KCNQ3: variants seen among roughly 807,000 people sequenced by gnomAD.
The protein encoded by KCNQ3 is potassium voltage-gated channel subfamily KQT member 3.
Under a neutral mutation model 92.5 loss-of-function variants are expected in KCNQ3, and 30 were observed. The observed-to-expected ratio is 0.32, with a 90% CI of 0.24 to 0.44. The LOEUF is 0.44. Among genes scored for constraint, KCNQ3 ranks in the 20% least tolerant of loss-of-function variants. The pLI is 1.00. For missense variants in KCNQ3, 913 were observed against 1,140.3 expected (o/e 0.80, Z 2.87); for synonymous variants, 450 against 468.8 (o/e 0.96, Z 0.52).
rs571263944 is a variant in KCNQ3, at chr8:132,142,660, T to C, written c.1263-1329A>G. Among the ~76,000 whole-genome samples, 11 of 152,328 alleles carry C rather than the reference T, an allele frequency of 7.2e-5. No homozygotes were observed. The South Asian group carries it at 2.3e-3, about 32-fold the overall frequency. On this transcript the variant is annotated intron_variant, in intron 9 of 14. Coordinates refer to ENST00000388996, the MANE Select transcript of KCNQ3 (RefSeq NM_004519.4). ...CACAGAGCTTGGCACACAGGAGGCA[T>C]TCCCTCATGTACTTGTGAAATAAAT...
chr8:132,357,035 A>AAC (rs1819037250), intron 1 of KCNQ3, among the ~76,000 whole-genome samples: 1 of 146,660 alleles, frequency 6.8e-6, no homozygotes, highest in African/African-American at 2.7e-5. Context: ...CAACAACAAC[A>AAC]AAAACTAAGG....
intron 1 of KCNQ3, among the ~76,000 whole-genome samples, chr8:132,266,975 A>G (rs974043646): frequency 2.0e-5 from 3 of 152,190 alleles, no homozygotes; most frequent in African/African-American, 7.2e-5. Context: ...TATAACTGCT[A>G]GCAGGACTCT....
At chr8:132,281,540 ATG>A (rs1304833552) in intron 1 of KCNQ3, among the ~76,000 whole-genome samples, 2 of 96,600 alleles carry the variant, frequency 2.1e-5, no homozygotes, top group Admixed American at 1.0e-4. Flanking sequence ...GTGTGTGTAT[ATG>A]TGTGTGTATA....
chr8:132,401,321 G>C (rs1459229324), intron 1 of KCNQ3, among the ~76,000 whole-genome samples: 1 of 151,904 alleles, frequency 6.6e-6, no homozygotes, highest in Non-Finnish European at 1.5e-5. Flanking sequence ...ACTGTCCCAT[G>C]TCCCTTTTAT....
intron 1 of KCNQ3, among the ~76,000 whole-genome samples, chr8:132,465,583 T>C (rs1343298206): frequency 1.3e-5 from 2 of 151,536 alleles, no homozygotes; most frequent in African/African-American, 4.9e-5. Flanking sequence ...CAAAAAATAA[T>C]AATAATAATA....
chr8:132,198,081 A>G (rs1052266676), intron 1 of KCNQ3, among the ~76,000 whole-genome samples: 1 of 152,160 alleles, frequency 6.6e-6, no homozygotes, highest in Non-Finnish European at 1.5e-5. Context: ...TTCTGTGATT[A>G]GGTTACAAAA....
At chr8:132,382,533 A>T (rs1320855915) in intron 1 of KCNQ3, among the ~76,000 whole-genome samples, 1 of 152,196 alleles carries the variant, frequency 6.6e-6, no homozygotes, top group Admixed American at 6.5e-5. Flanking sequence ...TGTCTCTATC[A>T]ATTACCCAGT....
intron 9 of KCNQ3, among the ~76,000 whole-genome samples, chr8:132,156,278 C>T (rs956825325): frequency 6.6e-6 from 1 of 151,694 alleles, no homozygotes. Context: ...CCCATGTGGT[C>T]AGCATTATTA....
intron 3 of KCNQ3, among the ~76,000 whole-genome samples, chr8:132,183,141 C>T (rs1312723109): frequency 6.6e-6 from 1 of 152,146 alleles, no homozygotes; most frequent in African/African-American, 2.4e-5. Flanking sequence ...CTGGGAATGA[C>T]TTTTCAAAAG....
intron 1 of KCNQ3, among the ~76,000 whole-genome samples, chr8:132,295,292 A>T (rs2130566931): frequency 6.6e-6 from 1 of 152,382 alleles, no homozygotes; most frequent in Admixed American, 6.5e-5. Context: ...AATGCTCAAC[A>T]TCACTGATAA....
At chr8:132,372,089 C>T (rs959732714) in intron 1 of KCNQ3, among the ~76,000 whole-genome samples, 5 of 152,220 alleles carry the variant, frequency 3.3e-5, no homozygotes, top group African/African-American at 9.6e-5. Flanking sequence ...CCCTATCCTT[C>T]CCCATGCTGT....
intron 1 of KCNQ3, among the ~76,000 whole-genome samples, chr8:132,232,081 T>C (rs1169561162): frequency 1.3e-5 from 2 of 152,192 alleles, no homozygotes; most frequent in Non-Finnish European, 2.9e-5. Flanking sequence ...TGGAGACACC[T>C]GGATTTAAGT....
intron 1 of KCNQ3, among the ~76,000 whole-genome samples, chr8:132,392,516 C>T (rs969793247): frequency 2.0e-5 from 3 of 152,036 alleles, no homozygotes; most frequent in African/African-American, 7.2e-5. Context: ...GTCTGCCTGG[C>T]TCACTCCTCT....
chr8:132,238,232 C>T (rs184741584), intron 1 of KCNQ3, among the ~76,000 whole-genome samples: 215 of 152,158 alleles, frequency 1.4e-3, no homozygotes, highest in Non-Finnish European at 2.0e-3. Flanking sequence ...TGTATGGGAA[C>T]AGACACAAAA....
intron 1 of KCNQ3, among the ~76,000 whole-genome samples, chr8:132,384,754 C>G (rs2608211): frequency 0.55 from 84,146 of 152,044 alleles, 26,135 homozygotes; most frequent in African/African-American, 0.86. Flanking sequence ...ATTAAAGTCA[C>G]ACAGTTTAGG....
At chr8:132,208,899 C>T (rs758286469) in intron 1 of KCNQ3, among the ~76,000 whole-genome samples, 9 of 152,222 alleles carry the variant, frequency 5.9e-5, no homozygotes, top group Admixed American at 2.0e-4. Context: ...CCTAAAACAC[C>T]TCCTGGATCT....
At chr8:132,464,004 G>A (rs965597530) in intron 1 of KCNQ3, among the ~76,000 whole-genome samples, 2 of 152,144 alleles carry the variant, frequency 1.3e-5, no homozygotes, top group African/African-American at 4.8e-5. Flanking sequence ...GGCCAACATG[G>A]TGAAACCCTG....
chr8:132,169,773 A>G (rs563851766), intron 8 of KCNQ3, among the ~76,000 whole-genome samples: 11 of 152,326 alleles, frequency 7.2e-5, no homozygotes, highest in Non-Finnish European at 1.2e-4. Flanking sequence ...GGGAGCATCA[A>G]ATATACTGAT....
Position 132,186,139 on chromosome 8 carries a change from G to C in KCNQ3, c.429C>G (p.Thr143=). The change falls in exon 2 of 15, where the codon ACC becomes ACG. Residue 143 remains threonine, a synonymous_variant. Coordinates refer to ENST00000388996, the MANE Select transcript of KCNQ3 (RefSeq NM_004519.4). Reference sequence around the variant, plus strand: ...AGACAGTCTCATACTCCTTGAATGTGGTCAGGACAGCCAGAATCAAGCACC... The same window carrying C: ...AGACAGTCTCATACTCCTTGAATGTCGTCAGGACAGCCAGAATCAAGCACC... ...VLGCLILAVL[T]TFKEYETVSG... The C allele has an allele frequency of 3.1e-6, 5 of 1,613,898 alleles. No individual in the cohort carries two copies. The highest frequency in any genetic ancestry group is 4.2e-6 in the Non-Finnish European group (5 of 1,179,822).
Sources: gnomAD v4.1 joint callset for allele counts (sites outside exome capture counted in the v4.1 genomes callset) on GRCh38, gnomAD v4.1.1 for gene constraint, MANE v1.5 for transcripts, NCBI Gene and HGNC (gene_info 2026-07-23, HGNC 2026-07-21) for gene names.